Variants in TGFBR1 observed in about 807,000 individuals in gnomAD.
The protein encoded by TGFBR1 is TGF-beta receptor type-1.
In TGFBR1, 20 loss-of-function variants were observed where a neutral mutation model predicts 55.1. That is an observed-to-expected ratio of 0.36 (90% CI 0.26 to 0.53). The LOEUF (loss-of-function observed/expected upper bound fraction) is 0.53. TGFBR1 is among the 20% of genes least tolerant of loss of function. The probability of loss-of-function intolerance (pLI) is 0.91; values close to 1 mark genes in which losing one functional copy is unlikely to be tolerated. For synonymous variants in TGFBR1, 220 were observed against 214.8 expected, an observed-to-expected ratio of 1.02 and a Z score of -0.21; for missense variants, 385 against 617.6, an observed-to-expected ratio of 0.62 and a Z score of 3.99.
In TGFBR1 at chr9:99,105,278, G is replaced by A; in HGVS notation, c.73G>A (p.Ala25Thr). ...LVLAAAAAAA[A>T]ALLPGATALQ... is the part of the protein sequence containing the mutation. ...GCTGGCGGCGGCGGCGGCGGCGGCGGCGGCGCTGCTCCCGGGGGCGACGGG... is the reference window on the plus strand; with the variant it reads ...GCTGGCGGCGGCGGCGGCGGCGGCGACGGCGCTGCTCCCGGGGGCGACGGG... Residue 25 changes from alanine (A) to threonine (T), a missense_variant, in exon 1 of 9, where the codon GCG (alanine) becomes ACG (threonine). Ala to Thr is a moderately conservative substitution (Grantham distance 58). This residue lies in a region of TGFBR1 where 37 missense variants were observed against 40.2 expected (regional missense o/e 0.92). Coordinates refer to ENST00000374994, the MANE Select transcript of TGFBR1 (RefSeq NM_004612.4). 1.0e-6 allele frequency: 1 copy of A among 993,006 alleles called. No homozygotes were observed. Among genetic ancestry groups the A allele is most frequent in the South Asian group, 4.5e-5 (1 of 22,370 alleles). 61.5% of individuals were successfully genotyped at this position (993,006 alleles called of 1,614,324 possible).
At chr9:99,147,283 T>A (rs1454766351) in intron 7 of TGFBR1, among the ~76,000 whole-genome samples, 1 of 152,228 alleles carries the variant, frequency 6.6e-6, no homozygotes, top group Non-Finnish European at 1.5e-5. Context: ...GATTCAAGTC[T>A]CACTGATAGG....
At position 99,150,648 on chromosome 9, in the gene TGFBR1, T is replaced by C. The variant is rs11568810; in HGVS notation, c.*1343T>C. 3.9e-4 allele frequency: 82 copies of C among 212,354 alleles called. 2 individuals are homozygous for C. The East Asian group carries it at 5.8e-3, about 15-fold the overall frequency. 13.2% of individuals were successfully genotyped at this position (212,354 alleles called of 1,614,324 possible). ...ACACTTTGAGGAAGGCAGCTTTTAA[T>C]TCAGTGTTTCCTTATGTGTGCGTAC... is the stretch of plus-strand genomic sequence containing the variant. On this transcript the variant is annotated 3_prime_UTR_variant, in exon 9 of 9. Coordinates refer to ENST00000374994, the MANE Select transcript of TGFBR1 (RefSeq NM_004612.4).
chr9:99,111,926 G>A (rs1826595439), intron 1 of TGFBR1, among the ~76,000 whole-genome samples: 1 of 152,202 alleles, frequency 6.6e-6, no homozygotes, highest in African/African-American at 2.4e-5. Flanking sequence ...TACAGAGGAG[G>A]TAGGACTTGA....
At chr9:99,108,441 TGATTG>T (rs1189855292) in intron 1 of TGFBR1, among the ~76,000 whole-genome samples, 1 of 152,252 alleles carries the variant, frequency 6.6e-6, no homozygotes, top group Admixed American at 6.5e-5. Flanking sequence ...ACATCCTTTC[TGATTG>T]GTTGGTACCC....
intron 7 of TGFBR1, among the ~76,000 whole-genome samples, chr9:99,147,050 GAGTT>G (rs1343339984): frequency 6.6e-6 from 1 of 152,120 alleles, no homozygotes; most frequent in Non-Finnish European, 1.5e-5. Flanking sequence ...TTGTATTCTA[GAGTT>G]AGTTTGTTTT....
At chr9:99,148,415 C>G (rs1013885869) in intron 8 of TGFBR1, among the ~76,000 whole-genome samples, 2 of 152,106 alleles carry the variant, frequency 1.3e-5, no homozygotes, top group Non-Finnish European at 2.9e-5. Flanking sequence ...TTTATTTAAC[C>G]TCTCCTTAAT....
intron 2 of TGFBR1, among the ~76,000 whole-genome samples, chr9:99,132,041 G>GT (rs945925537): frequency 7.5e-4 from 111 of 147,176 alleles, no homozygotes; most frequent in Non-Finnish European, 1.1e-3. Context: ...GATGTATGTG[G>GT]TTTTTTTTTT....
chr9:99,127,436 G>A (rs1477167814), intron 1 of TGFBR1, among the ~76,000 whole-genome samples: 1 of 152,166 alleles, frequency 6.6e-6, no homozygotes, highest in Non-Finnish European at 1.5e-5. Flanking sequence ...AGAATAAGCT[G>A]TCTGACAAAA....
At chr9:99,117,169 C>T (rs1826769732) in intron 1 of TGFBR1, among the ~76,000 whole-genome samples, 1 of 152,088 alleles carries the variant, frequency 6.6e-6, no homozygotes, top group African/African-American at 2.4e-5. Context: ...CTCACTGCAA[C>T]CTCTGCCTCC....
intron 4 of TGFBR1, among the ~76,000 whole-genome samples, chr9:99,138,474 A>G (rs1046670853): frequency 1.3e-5 from 2 of 152,244 alleles, no homozygotes; most frequent in African/African-American, 4.8e-5. Context: ...CTTCCTGACC[A>G]GTAGGATGTT....
At chr9:99,111,620 C>T (rs1170644724) in intron 1 of TGFBR1, among the ~76,000 whole-genome samples, 2 of 152,072 alleles carry the variant, frequency 1.3e-5, no homozygotes, top group Non-Finnish European at 2.9e-5. Context: ...CAGAGTGAAA[C>T]TCCATCTCAA....
At chr9:99,136,675 G>A (rs1056435524) in intron 3 of TGFBR1, among the ~76,000 whole-genome samples, 1 of 152,096 alleles carries the variant, frequency 6.6e-6, no homozygotes, top group Non-Finnish European at 1.5e-5. Flanking sequence ...TAGAGCAAGA[G>A]GAAGAAAGGA....
Position 99,128,935 on chromosome 9 carries a change from G to A in TGFBR1, c.178G>A (p.Glu60Lys), listed in dbSNP as rs2118565158. The change falls in exon 2 of 9, where the codon GAG becomes AAG. Residue 60 changes from glutamate (E) to lysine (K), a missense_variant. By Grantham distance (56) the Glu-to-Lys change is moderately conservative. Transcript: ENST00000374994. ...TGGGCTCTGCTTTGTCTCTGTCACA[G>A]AGACCACAGACAAAGTTATACACAA... ...TDGLCFVSVT[E>K]TTDKVIHNSM... 1 of 1,613,918 alleles carries A rather than the reference G, an allele frequency of 6.2e-7. No individual in the cohort carries two copies. Among genetic ancestry groups the A allele is most frequent in the East Asian group, 2.2e-5 (1 of 44,866 alleles).
At chr9:99,145,598 A>T (rs1827767894) in intron 6 of TGFBR1, among the ~76,000 whole-genome samples, 1 of 152,248 alleles carries the variant, frequency 6.6e-6, no homozygotes, top group African/African-American at 2.4e-5. Flanking sequence ...TGAGTCTTCA[A>T]AAGAACTTAA....
At chr9:99,136,287 T>C (rs191959351) in intron 3 of TGFBR1, among the ~76,000 whole-genome samples, 15 of 152,322 alleles carry the variant, frequency 9.8e-5, no homozygotes. Flanking sequence ...GACAAAACCT[T>C]TCCTCGTCCT....
At chr9:99,104,876 G>C (rs1287564894), upstream of TGFBR1, among the ~76,000 whole-genome samples, 3 of 152,058 alleles carry the variant, frequency 2.0e-5, no homozygotes, top group African/African-American at 7.2e-5. Context: ...CTCGGAGCCG[G>C]GAGCCGATCG....
rs17724567 is a variant in TGFBR1, at chr9:99,151,950, A to C, written c.*2645A>C. 6.1e-3 allele frequency: 1,204 copies of C among 198,876 alleles called. 12 individuals carry two copies. The highest frequency in any genetic ancestry group is 9.0e-3 in the Non-Finnish European group (869 of 96,108). 12.3% of individuals were successfully genotyped at this position (198,876 alleles called of 1,614,324 possible). A position where few individuals can be genotyped will look rare whatever the true frequency, so the allele number is the denominator to read the frequency against. On this transcript the variant is annotated 3_prime_UTR_variant, in exon 9 of 9. Transcript: ENST00000374994. ...ACGTGGCTAAAACATCTTCTGGTAA[A>C]TTGTGCGTCCATATTCATTTTGTCA...
intron 3 of TGFBR1, among the ~76,000 whole-genome samples, chr9:99,133,403 A>T (rs1203716346): frequency 6.6e-6 from 1 of 152,190 alleles, no homozygotes; most frequent in African/African-American, 2.4e-5. Flanking sequence ...TAATTGTCAG[A>T]GTCATCCCAA....
chr9:99,134,024 C>A (rs1396321221), intron 3 of TGFBR1, among the ~76,000 whole-genome samples: 13 of 149,942 alleles, frequency 8.7e-5, no homozygotes, highest in Non-Finnish European at 1.6e-4. Flanking sequence ...AAAATTTTCA[C>A]TAATTTTATA....
Sources: gnomAD v4.1 joint callset for allele counts (sites outside exome capture counted in the v4.1 genomes callset) on GRCh38, gnomAD v4.1.1 for gene constraint, gnomAD v4.1.1 regional missense constraint, MANE v1.5 for transcripts, NCBI Gene and HGNC (gene_info 2026-07-23, HGNC 2026-07-21) for gene names.